MAGI2: variants seen among roughly 807,000 people sequenced by gnomAD.
MAGI2 encodes the protein membrane-associated guanylate kinase, WW and PDZ domain-containing protein 2.
MAGI2 carries 35 observed loss-of-function variants against 133.3 expected under a neutral mutation model. That is an observed-to-expected ratio of 0.26 (90% CI 0.20 to 0.35). MAGI2 has a LOEUF of 0.35. MAGI2 is among the 10% of genes least tolerant of loss of function. MAGI2 has a pLI of 1.00. For synonymous variants in MAGI2, 729 were observed against 710.6 expected (o/e 1.03, Z -0.41); for missense variants, 1,636 against 1,863.4 (o/e 0.88, Z 2.25).
intron 1 of MAGI2, among the ~76,000 whole-genome samples, chr7:79,349,566 A>C (rs1004821758): frequency 2.0e-5 from 3 of 152,022 alleles, no homozygotes; most frequent in Non-Finnish European, 4.4e-5. Context: ...TTTACCTAAA[A>C]GAAAATTGAA....
At chr7:79,375,187 A>T (rs1468827872) in intron 1 of MAGI2, among the ~76,000 whole-genome samples, 1 of 152,072 alleles carries the variant, frequency 6.6e-6, no homozygotes, top group Non-Finnish European at 1.5e-5. Context: ...TATTTCAGGA[A>T]AGCCAAATAA....
chr7:78,371,311 G>T (rs972809624), intron 6 of MAGI2, among the ~76,000 whole-genome samples: 28 of 151,678 alleles, frequency 1.8e-4, no homozygotes, highest in African/African-American at 6.8e-4. Context: ...ACAGAGGACA[G>T]CAATTAATAT....
At chr7:78,434,451 G>C (rs111511694) in intron 6 of MAGI2, among the ~76,000 whole-genome samples, 6 of 152,288 alleles carry the variant, frequency 3.9e-5, no homozygotes, top group African/African-American at 1.4e-4. Flanking sequence ...ATGGAAACAG[G>C]GTAGGGGTTC....
intron 20 of MAGI2, among the ~76,000 whole-genome samples, chr7:78,098,242 T>A (rs1817893865): frequency 6.6e-6 from 1 of 152,152 alleles, no homozygotes; most frequent in African/African-American, 2.4e-5. Context: ...CTGTAATTGA[T>A]GAGTGTCTTT....
At chr7:78,134,807 C>T (rs1034154390) in intron 17 of MAGI2, 1 of 504,860 alleles carries the variant, frequency 2.0e-6, no homozygotes, top group African/African-American at 1.9e-5. Flanking sequence ...CATAGCTTGA[C>T]CTCTGAATGA....
At chr7:78,690,948 A>G (rs1309142658) in intron 2 of MAGI2, among the ~76,000 whole-genome samples, 1 of 152,242 alleles carries the variant, frequency 6.6e-6, no homozygotes, top group African/African-American at 2.4e-5. Context: ...CTAAACATGC[A>G]CATTCATAGA....
At chr7:79,396,618 T>G (rs1334901486) in intron 1 of MAGI2, among the ~76,000 whole-genome samples, 1 of 152,130 alleles carries the variant, frequency 6.6e-6, no homozygotes, top group Admixed American at 6.6e-5. Context: ...AGAATTAATC[T>G]TAATTATGTC....
intron 2 of MAGI2, among the ~76,000 whole-genome samples, chr7:78,829,330 A>G (rs564945282): frequency 6.6e-6 from 1 of 152,126 alleles, no homozygotes; most frequent in East Asian, 1.9e-4. Flanking sequence ...TTTGTTTATG[A>G]ATATCTGGCA....
intron 2 of MAGI2, among the ~76,000 whole-genome samples, chr7:78,966,673 TC>T (rs1195265841): frequency 6.6e-6 from 1 of 152,092 alleles, no homozygotes; most frequent in Admixed American, 6.6e-5. Context: ...TGATTTCAAT[TC>T]TTTTGGATAA....
At chr7:79,239,243 C>A (rs1265257594) in intron 1 of MAGI2, among the ~76,000 whole-genome samples, 1 of 152,012 alleles carries the variant, frequency 6.6e-6, no homozygotes, top group Non-Finnish European at 1.5e-5. Flanking sequence ...ACAGTATAAG[C>A]AGAAAAGTGG....
intron 1 of MAGI2, among the ~76,000 whole-genome samples, chr7:79,062,930 A>G (rs1276239731): frequency 2.0e-5 from 3 of 152,144 alleles, no homozygotes; most frequent in Non-Finnish European, 4.4e-5. Context: ...CCACCCAGTG[A>G]AAGTCAATTA....
At chr7:78,458,045 C>G (rs533736303) in intron 6 of MAGI2, among the ~76,000 whole-genome samples, 2 of 151,822 alleles carry the variant, frequency 1.3e-5, no homozygotes, top group South Asian at 4.2e-4. Context: ...TGCTTGTAAT[C>G]CCAGCACTTT....
intron 2 of MAGI2, among the ~76,000 whole-genome samples, chr7:78,893,333 G>A (rs1284457552): frequency 3.3e-5 from 5 of 152,148 alleles, no homozygotes; most frequent in African/African-American, 4.8e-5. Flanking sequence ...AATTCCTCAG[G>A]GATCTAGAAT....
chr7:78,207,642 G>C (rs1385449241), intron 10 of MAGI2, among the ~76,000 whole-genome samples: 1 of 152,130 alleles, frequency 6.6e-6, no homozygotes, highest in East Asian at 1.9e-4. Context: ...GTTAAGCCCT[G>C]CAGTTCTTTG....
At position 78,182,031 on chromosome 7, in the gene MAGI2, G is replaced by T. The variant is rs545051510; in HGVS notation, c.2311+3598C>A. ...GAATTAATTTGGCATATGGGATGCT[G>T]CTGTAAACATGTCAATTAAAATTTG... On this transcript the variant is annotated intron_variant, in intron 13 of 21. Transcript: ENST00000354212. Among the ~76,000 whole-genome samples, 88 of 152,290 alleles carry T rather than the reference G, an allele frequency of 5.8e-4. No homozygotes were observed. In the South Asian group the frequency reaches 6.4e-3, roughly 11 times the overall value.
chr7:79,404,941 T>C (rs184997976), intron 1 of MAGI2, among the ~76,000 whole-genome samples: 2 of 152,256 alleles, frequency 1.3e-5, no homozygotes, highest in Non-Finnish European at 2.9e-5. Flanking sequence ...TTAGTATGGT[T>C]GGAGACTGGT....
chr7:78,936,972 G>A (rs1800565687), intron 2 of MAGI2, among the ~76,000 whole-genome samples: 1 of 151,968 alleles, frequency 6.6e-6, no homozygotes, highest in Non-Finnish European at 1.5e-5. Flanking sequence ...AAATGCCCCA[G>A]TAACAATGAA....
At chr7:79,292,633 CA>C (rs1041476983) in intron 1 of MAGI2, among the ~76,000 whole-genome samples, 76 of 144,468 alleles carry the variant, frequency 5.3e-4, no homozygotes, top group Non-Finnish European at 9.6e-4. Context: ...ACCCTGCCAC[CA>C]AAAAAAAATA....
chr7:79,443,975 G>T (rs1389957423), intron 1 of MAGI2, among the ~76,000 whole-genome samples: 1 of 152,050 alleles, frequency 6.6e-6, no homozygotes, highest in Non-Finnish European at 1.5e-5. Context: ...TTATGAGGTT[G>T]ATAAAATTTC....
Sources: gnomAD v4.1 joint callset for allele counts (sites outside exome capture counted in the v4.1 genomes callset) on GRCh38, gnomAD v4.1.1 for gene constraint, MANE v1.5 for transcripts, NCBI Gene and HGNC (gene_info 2026-07-23, HGNC 2026-07-21) for gene names.